The following NKAIN3 variants were observed in gnomAD, a reference collection of about 807,000 sequenced individuals.
NKAIN3 encodes the protein sodium/potassium transporting ATPase interacting 3.
In NKAIN3, 25 loss-of-function variants were observed where a neutral mutation model predicts 30.2. The ratio of observed to expected loss-of-function variants is 0.83; its 90% confidence interval spans 0.60 to 1.16. The LOEUF (loss-of-function observed/expected upper bound fraction) is 1.16. Among genes scored for constraint, NKAIN3 ranks in the 50% most tolerant of loss-of-function variants. NKAIN3 has a pLI of 0.00. For synonymous variants in NKAIN3, 91 were observed against 89.6 expected (o/e 1.02, Z -0.09); for missense variants, 225 against 254.1 (o/e 0.89, Z 0.78).
chr8:62,635,410 A>C (rs1812096617), intron 3 of NKAIN3, among the ~76,000 whole-genome samples: 1 of 152,168 alleles, frequency 6.6e-6, no homozygotes, highest in Admixed American at 6.5e-5. Flanking sequence ...TGCTTCTTAA[A>C]GGAGGGTCCT....
At chr8:62,888,862 A>T (rs1342399717) in intron 4 of NKAIN3, among the ~76,000 whole-genome samples, 2 of 152,120 alleles carry the variant, frequency 1.3e-5, no homozygotes, top group African/African-American at 2.4e-5. Context: ...GCAATGAGTT[A>T]TGTATTTATG....
At chr8:62,910,584 G>C (rs549967931) in intron 4 of NKAIN3, among the ~76,000 whole-genome samples, 8 of 152,072 alleles carry the variant, frequency 5.3e-5, no homozygotes, top group African/African-American at 1.9e-4. Flanking sequence ...AGATTTCTTA[G>C]AGGGTATTTA....
chr8:62,346,960 G>A (rs1816026106), intron 1 of NKAIN3, among the ~76,000 whole-genome samples: 1 of 152,036 alleles, frequency 6.6e-6, no homozygotes, highest in South Asian at 2.1e-4. Flanking sequence ...CTAATGACAA[G>A]CGACATTTTA....
At chr8:62,344,018 C>T (rs1005082829) in intron 1 of NKAIN3, among the ~76,000 whole-genome samples, 2 of 151,836 alleles carry the variant, frequency 1.3e-5, no homozygotes, top group East Asian at 1.9e-4. Flanking sequence ...AAATAGAAGA[C>T]AAGAAAGCAA....
rs147054622 is a variant in NKAIN3, at chr8:62,522,561, G to A, written c.55-56978G>A. ...TTCATAGGAGATGACAGCTCCATGC[G>A]TGTCATTGACCCTGAAGACCTTCCA... is the stretch of plus-strand genomic sequence containing the variant. On this transcript the variant is annotated intron_variant, in intron 1 of 6. Transcript: ENST00000623646. Among the ~76,000 whole-genome samples, 938 of 152,134 alleles carry A rather than the reference G, an allele frequency of 6.2e-3. 8 individuals carry two copies. The highest frequency in any genetic ancestry group is 0.027 in the Middle Eastern group (8 of 294).
intron 1 of NKAIN3, among the ~76,000 whole-genome samples, chr8:62,308,613 G>A (rs1034807100): frequency 6.6e-6 from 1 of 150,384 alleles, no homozygotes; most frequent in Admixed American, 6.6e-5. Context: ...ATTCTGCATG[G>A]AAGGTCACCT....
intron 1 of NKAIN3, among the ~76,000 whole-genome samples, chr8:62,384,031 A>T (rs1260609808): frequency 6.6e-6 from 1 of 152,126 alleles, no homozygotes. Flanking sequence ...TCTTGGAAGG[A>T]CTTTCAGCGT....
chr8:62,814,249 T>C (rs9650208), intron 4 of NKAIN3, among the ~76,000 whole-genome samples: 133,478 of 151,778 alleles, frequency 0.88, 58,828 homozygotes, highest in Admixed American at 0.9. Context: ...TTTCCCCACC[T>C]TCTTCTTCTG....
At chr8:62,683,053 A>G (rs534487978) in intron 3 of NKAIN3, among the ~76,000 whole-genome samples, 15 of 151,564 alleles carry the variant, frequency 9.9e-5, no homozygotes, top group Admixed American at 2.0e-4. Flanking sequence ...TTGTTTTTTG[A>G]GACAGAGTCT....
At chr8:62,253,021 C>T (rs1342643345) in intron 1 of NKAIN3, among the ~76,000 whole-genome samples, 2 of 152,160 alleles carry the variant, frequency 1.3e-5, no homozygotes, top group African/African-American at 4.8e-5. Flanking sequence ...GACATCTTCC[C>T]AACCTCACAG....
chr8:62,719,038 G>C (rs1023791199), intron 3 of NKAIN3, among the ~76,000 whole-genome samples: 7 of 152,186 alleles, frequency 4.6e-5, no homozygotes, highest in Non-Finnish European at 8.8e-5. Context: ...TTACACTACA[G>C]TGTGGAAAGG....
chr8:62,946,969 C>G (rs1283752128), intron 5 of NKAIN3, among the ~76,000 whole-genome samples: 2 of 152,112 alleles, frequency 1.3e-5, no homozygotes, highest in Admixed American at 1.3e-4. Context: ...ATAGTTAAAC[C>G]TGGGACATAA....
At chr8:62,405,082 G>T (rs905951319) in intron 1 of NKAIN3, among the ~76,000 whole-genome samples, 7 of 152,184 alleles carry the variant, frequency 4.6e-5, no homozygotes, top group Admixed American at 1.3e-4. Flanking sequence ...AGGGGCCTCA[G>T]TACTCTGCCT....
chr8:62,378,923 C>G (rs1021880825), intron 1 of NKAIN3, among the ~76,000 whole-genome samples: 2 of 152,140 alleles, frequency 1.3e-5, no homozygotes, highest in Non-Finnish European at 2.9e-5. Context: ...AATGGTAGAT[C>G]TACCAACAGT....
At chr8:62,500,188 G>A (rs1807381410) in intron 1 of NKAIN3, among the ~76,000 whole-genome samples, 1 of 151,948 alleles carries the variant, frequency 6.6e-6, no homozygotes, top group African/African-American at 2.4e-5. Flanking sequence ...TAAATATGCT[G>A]TTTCAGTGCC....
At chr8:62,571,147 T>A (rs887275237) in intron 1 of NKAIN3, among the ~76,000 whole-genome samples, 9 of 151,910 alleles carry the variant, frequency 5.9e-5, no homozygotes, top group African/African-American at 2.2e-4. Flanking sequence ...TTATTTTTTT[T>A]TTTTTTTTCA....
chr8:62,386,581 T>C (rs1475855626), intron 1 of NKAIN3, among the ~76,000 whole-genome samples: 3 of 152,200 alleles, frequency 2.0e-5, no homozygotes, highest in Admixed American at 6.5e-5. Flanking sequence ...AAATAATGAA[T>C]ACATGAAGGA....
At chr8:62,910,235 C>T (rs942368362) in intron 4 of NKAIN3, among the ~76,000 whole-genome samples, 2 of 152,072 alleles carry the variant, frequency 1.3e-5, no homozygotes, top group Non-Finnish European at 2.9e-5. Context: ...AATCCATGGT[C>T]TTAAAATTAT....
At chr8:62,359,761 T>TA (rs1313831854) in intron 1 of NKAIN3, among the ~76,000 whole-genome samples, 1 of 152,226 alleles carries the variant, frequency 6.6e-6, no homozygotes, top group Admixed American at 6.5e-5. Flanking sequence ...ATGGTAGGGC[T>TA]ACACAGACAG....
Sources: gnomAD v4.1 joint callset for allele counts (sites outside exome capture counted in the v4.1 genomes callset) on GRCh38, gnomAD v4.1.1 for gene constraint, MANE v1.5 for transcripts, NCBI Gene and HGNC (gene_info 2026-07-23, HGNC 2026-07-21) for gene names.